CYYR1: variants seen among roughly 807,000 people sequenced by gnomAD.
The protein encoded by CYYR1 is cysteine and tyrosine rich 1.
In CYYR1, 14 loss-of-function variants were observed where a neutral mutation model predicts 15.2. The observed-to-expected ratio is 0.92, with a 90% CI of 0.61 to 1.44. The LOEUF (loss-of-function observed/expected upper bound fraction) is 1.44. Ranked by LOEUF, CYYR1 falls within the 40% of genes most tolerant of loss-of-function variation. The probability of loss-of-function intolerance (pLI) is 0.00; values close to 1 mark genes in which losing one functional copy is unlikely to be tolerated. For missense variants in CYYR1, 228 were observed against 209.5 expected, an observed-to-expected ratio of 1.09 and a Z score of -0.54; for synonymous variants, 80 against 77.4, an observed-to-expected ratio of 1.03 and a Z score of -0.18.
intron 2 of CYYR1, among the ~76,000 whole-genome samples, chr21:26,505,361 G>T (rs945471507): frequency 6.6e-6 from 1 of 152,194 alleles, no homozygotes. Flanking sequence ...TTCTATAAGA[G>T]CATTTGGAGG....
Position 26,467,997 on chromosome 21 carries a change from G to T in CYYR1, c.*504C>A. On this transcript the variant is annotated 3_prime_UTR_variant, in exon 4 of 4. Transcript: ENST00000652641. ...GTACCCGTCCTGTAACTTCCATCAG[G>T]ACCTCAAACAGTGCTAGGCACATAG... 1 of 167,614 alleles carries T rather than the reference G, an allele frequency of 6.0e-6. No homozygotes were observed. The highest frequency in any genetic ancestry group is 1.3e-5 in the Non-Finnish European group (1 of 76,290). 10.4% of individuals were successfully genotyped at this position (167,614 alleles called of 1,614,324 possible). A position where few individuals can be genotyped will look rare whatever the true frequency, so the allele number is the denominator to read the frequency against.
At chr21:26,565,277 A>G (rs1191316778) in intron 2 of CYYR1, among the ~76,000 whole-genome samples, 1 of 152,206 alleles carries the variant, frequency 6.6e-6, no homozygotes, top group Non-Finnish European at 1.5e-5. Context: ...ATGTGTAACA[A>G]GCCGTCTCAA....
intron 3 of CYYR1, among the ~76,000 whole-genome samples, chr21:26,479,763 C>T (rs1463995278): frequency 6.6e-6 from 1 of 152,110 alleles, no homozygotes; most frequent in Non-Finnish European, 1.5e-5. Flanking sequence ...CCACCCACCT[C>T]GGCCTACCAA....
chr21:26,565,078 G>A (rs1418573362), intron 2 of CYYR1, among the ~76,000 whole-genome samples: 1 of 152,060 alleles, frequency 6.6e-6, no homozygotes, highest in South Asian at 2.1e-4. Flanking sequence ...TTCAAGGAAG[G>A]CTTAAATTCT....
intron 2 of CYYR1, among the ~76,000 whole-genome samples, chr21:26,504,813 C>A (rs1292957188): frequency 6.6e-6 from 1 of 152,178 alleles, no homozygotes; most frequent in Non-Finnish European, 1.5e-5. Context: ...TCCCTGACTA[C>A]CCTTCCCAGC....
intron 2 of CYYR1, chr21:26,506,861 C>A (rs1346918472): frequency 6.6e-6 from 1 of 151,904 alleles, no homozygotes; most frequent in Non-Finnish European, 1.5e-5. Context: ...GCAAAGAAGC[C>A]CTTAGTGACC....
At chr21:26,561,752 T>A (rs529076013) in intron 2 of CYYR1, among the ~76,000 whole-genome samples, 1 of 152,214 alleles carries the variant, frequency 6.6e-6, no homozygotes, top group African/African-American at 2.4e-5. Flanking sequence ...TTAAATGCGA[T>A]ATATTGTCAT....
chr21:26,539,803 G>GGGA, intron 2 of CYYR1, among the ~76,000 whole-genome samples: 1 of 152,038 alleles, frequency 6.6e-6, no homozygotes, highest in Non-Finnish European at 1.5e-5. Flanking sequence ...TACTGTCATT[G>GGGA]CTTTGTGAAC....
chr21:26,543,909 AAATAAT>A (rs1025390142), intron 2 of CYYR1, among the ~76,000 whole-genome samples: 4 of 151,974 alleles, frequency 2.6e-5, no homozygotes, highest in South Asian at 4.2e-4. Context: ...CCATCTCAAA[AAATAAT>A]AATAATAATA....
chr21:26,498,319 G>C (rs2123467066), intron 2 of CYYR1, among the ~76,000 whole-genome samples: 1 of 152,192 alleles, frequency 6.6e-6, no homozygotes, highest in Non-Finnish European at 1.5e-5. Flanking sequence ...CTTTCTTATA[G>C]GATCACGTCC....
intron 2 of CYYR1, among the ~76,000 whole-genome samples, chr21:26,554,229 G>C (rs1417891965): frequency 6.6e-6 from 1 of 152,064 alleles, no homozygotes. Context: ...GAACACCACT[G>C]TGTGCATTAT....
At chr21:26,497,584 C>T (rs2065424654) in intron 2 of CYYR1, among the ~76,000 whole-genome samples, 2 of 152,088 alleles carry the variant, frequency 1.3e-5, no homozygotes, top group Admixed American at 1.3e-4. Context: ...AAGGGAAGTT[C>T]CAGTAGCACA....
chr21:26,486,410 A>C (rs761286741), intron 2 of CYYR1, among the ~76,000 whole-genome samples: 1 of 151,962 alleles, frequency 6.6e-6, no homozygotes, highest in Non-Finnish European at 1.5e-5. Context: ...TTGATATTTA[A>C]ACCTATGATC....
intron 1 of CYYR1, chr21:26,568,778 A>C (rs1430475920): frequency 6.6e-6 from 1 of 152,210 alleles, no homozygotes; most frequent in East Asian, 1.9e-4. Context: ...AAATAATCTC[A>C]TTAAAAAATG....
chr21:26,566,313 G>A lies in CYYR1; in HGVS notation c.129C>T (p.Thr43=), dbSNP rs758167104. Residue 43 remains threonine (T), a synonymous_variant, in exon 2 of 4, where the codon ACC becomes ACT. Coordinates refer to ENST00000652641, the MANE Select transcript of CYYR1 (RefSeq NM_001320768.2). ...CGTAGTAGGAGCAACAGTAGGGCGT[G>A]GTTCCATCACAGCAGTAAGATTTGC... ...KDCKSYCCDG[T]TPYCCSYYAY... 3 of 1,613,848 alleles carry A rather than the reference G, an allele frequency of 1.9e-6. No homozygotes were observed. The highest frequency in any genetic ancestry group is 2.2e-5 in the East Asian group (1 of 44,852).
intron 3 of CYYR1, chr21:26,478,032 T>A: frequency 1.3e-6 from 2 of 1,545,528 alleles, no homozygotes. Context: ...GTGTTCATCA[T>A]TCATTCAGCT....
chr21:26,506,986 C>G (rs2065575549), intron 2 of CYYR1, among the ~76,000 whole-genome samples: 1 of 152,184 alleles, frequency 6.6e-6, no homozygotes, highest in African/African-American at 2.4e-5. Context: ...TTTCCACTCA[C>G]TGCATGAAAA....
chr21:26,500,803 A>G (rs1256189995), intron 2 of CYYR1, among the ~76,000 whole-genome samples: 2 of 152,194 alleles, frequency 1.3e-5, no homozygotes, highest in African/African-American at 4.8e-5. Context: ...CATGAAGTCT[A>G]AGATGTTTAC....
intron 2 of CYYR1, among the ~76,000 whole-genome samples, chr21:26,565,619 C>T (rs1013028276): frequency 2.2e-4 from 34 of 152,140 alleles, no homozygotes; most frequent in Admixed American, 2.2e-3. Context: ...TGTCCAGAAT[C>T]GGCTCTAAAA....
Sources: gnomAD v4.1 joint callset for allele counts (sites outside exome capture counted in the v4.1 genomes callset) on GRCh38, gnomAD v4.1.1 for gene constraint, MANE v1.5 for transcripts, NCBI Gene and HGNC (gene_info 2026-07-23, HGNC 2026-07-21) for gene names.